The following ABTB2 variants were observed in gnomAD, a reference collection of about 807,000 sequenced individuals.
The protein encoded by ABTB2 is ankyrin repeat and BTB domain containing 2.
ABTB2 carries 56 observed loss-of-function variants against 104.1 expected under a neutral mutation model. That is an observed-to-expected ratio of 0.54 (90% CI 0.43 to 0.67). The LOEUF (loss-of-function observed/expected upper bound fraction) is 0.67. Ranked by LOEUF, ABTB2 falls within the 30% of genes least tolerant of loss-of-function variation. The pLI is 0.00. For missense variants in ABTB2, 1,279 were observed against 1,407.7 expected, an observed-to-expected ratio of 0.91 and a Z score of 1.46; for synonymous variants, 606 against 608.2, an observed-to-expected ratio of 1.00 and a Z score of 0.05.
chr11:34,236,239 C>G (rs989593636), intron 1 of ABTB2, among the ~76,000 whole-genome samples: 15 of 152,196 alleles, frequency 9.9e-5, no homozygotes, highest in Non-Finnish European at 1.8e-4. Context: ...TCATTTGGAA[C>G]AGTCACTTCA....
chr11:34,229,700 T>C (rs1473365983), intron 1 of ABTB2, among the ~76,000 whole-genome samples: 1 of 152,116 alleles, frequency 6.6e-6, no homozygotes, highest in East Asian at 1.9e-4. Context: ...TAAGAATAAT[T>C]AATGCATGTT....
chr11:34,177,932 A>G (rs1194641992), intron 3 of ABTB2, among the ~76,000 whole-genome samples: 3 of 152,094 alleles, frequency 2.0e-5, no homozygotes, highest in Non-Finnish European at 4.4e-5. Context: ...TCAAACTCAC[A>G]GTTCCAGGCG....
intron 3 of ABTB2, 80 bp downstream of exon 3, chr11:34,197,245 G>C: frequency 6.8e-7 from 1 of 1,474,864 alleles, no homozygotes; most frequent in Non-Finnish European, 9.5e-7. Flanking sequence ...TTGGTCAGTC[G>C]TCAGTCAGTG....
chr11:34,200,724 G>A (rs1853325644), intron 2 of ABTB2, among the ~76,000 whole-genome samples: 1 of 152,146 alleles, frequency 6.6e-6, no homozygotes, highest in Admixed American at 6.5e-5. Context: ...TACAGACAAG[G>A]AAGCAAGCTT....
At chr11:34,325,405 C>T (rs2133113416) in intron 1 of ABTB2, among the ~76,000 whole-genome samples, 1 of 152,292 alleles carries the variant, frequency 6.6e-6, no homozygotes, top group Admixed American at 6.5e-5. Flanking sequence ...CAAAGTTCTG[C>T]TATCTGCTGC....
At position 34,258,834 on chromosome 11, in the gene ABTB2, C is replaced by T. The variant is rs548279247; in HGVS notation, c.884-54144G>A. Reference sequence around the variant, plus strand: ...CAGGCTGGTCTCAAACTCCTGACCTCAGGTGATCTACCTGCCTCGGCCTCC... The same window carrying T: ...CAGGCTGGTCTCAAACTCCTGACCTTAGGTGATCTACCTGCCTCGGCCTCC... On this transcript the variant is annotated intron_variant, in intron 1 of 16. Coordinates refer to ENST00000435224, the MANE Select transcript of ABTB2 (RefSeq NM_145804.3). Among the ~76,000 whole-genome samples the T allele has an allele frequency of 9.9e-4, 150 of 152,038 alleles. 1 individual carries two copies. Among genetic ancestry groups the T allele is most frequent in the African/African-American group, 3.5e-3 (146 of 41,480 alleles).
intron 1 of ABTB2, among the ~76,000 whole-genome samples, chr11:34,217,945 G>A (rs1227354075): frequency 2.6e-5 from 4 of 152,178 alleles, no homozygotes; most frequent in African/African-American, 7.2e-5. Context: ...CCAGCATTTG[G>A]TGGTATCAGT....
intron 1 of ABTB2, among the ~76,000 whole-genome samples, chr11:34,312,010 G>A (rs755961912): frequency 8.5e-5 from 13 of 152,104 alleles, no homozygotes; most frequent in Admixed American, 2.0e-4. Flanking sequence ...TCATGGTGGC[G>A]CACGCCTGTA....
At chr11:34,248,990 C>T (rs1049729282) in intron 1 of ABTB2, among the ~76,000 whole-genome samples, 3 of 152,120 alleles carry the variant, frequency 2.0e-5, no homozygotes, top group Admixed American at 6.5e-5. Context: ...ATTAGCCGGG[C>T]GTGGTGGCAC....
chr11:34,249,650 T>G (rs1305329417), intron 1 of ABTB2, among the ~76,000 whole-genome samples: 2 of 152,128 alleles, frequency 1.3e-5, no homozygotes, highest in Non-Finnish European at 2.9e-5. Context: ...ATATATGAAA[T>G]GTCTTTTCTT....
At chr11:34,324,311 G>C (rs1481780460) in intron 1 of ABTB2, among the ~76,000 whole-genome samples, 2 of 152,178 alleles carry the variant, frequency 1.3e-5, no homozygotes, top group Admixed American at 6.5e-5. Flanking sequence ...CCTCACACTA[G>C]TGGTAAATAT....
intron 1 of ABTB2, among the ~76,000 whole-genome samples, chr11:34,291,637 A>C (rs1854566274): frequency 6.6e-6 from 1 of 152,088 alleles, no homozygotes; most frequent in Admixed American, 6.5e-5. Flanking sequence ...CTTGGATTAC[A>C]GGCGTCTGCC....
intron 1 of ABTB2, among the ~76,000 whole-genome samples, chr11:34,227,545 G>A (rs1342397598): frequency 1.3e-5 from 2 of 152,128 alleles, no homozygotes; most frequent in African/African-American, 2.4e-5. Context: ...ATATTCCATT[G>A]CATGGATATA....
intron 10 of ABTB2, 100 bp from the exon 11 acceptor site, chr11:34,161,181 G>T (rs1021980702): frequency 9.4e-6 from 12 of 1,275,052 alleles, no homozygotes; most frequent in Admixed American, 5.5e-5. Flanking sequence ...GGATGCCCCC[G>T]CTGTCTGCAG....
chr11:34,256,866 C>T (rs1254695415), intron 1 of ABTB2, among the ~76,000 whole-genome samples: 1 of 152,142 alleles, frequency 6.6e-6, no homozygotes, highest in Non-Finnish European at 1.5e-5. Context: ...GCAAATTCTC[C>T]GTTTTGTGGA....
At chr11:34,244,254 A>C (rs1284941491) in intron 1 of ABTB2, among the ~76,000 whole-genome samples, 1 of 152,180 alleles carries the variant, frequency 6.6e-6, no homozygotes, top group African/African-American at 2.4e-5. Flanking sequence ...AACCACTCTA[A>C]AACACTTAGG....
intron 1 of ABTB2, among the ~76,000 whole-genome samples, chr11:34,306,236 ATTTTTTTTTTTTT>A (rs34872949): frequency 7.4e-4 from 53 of 71,970 alleles, no homozygotes; most frequent in African/African-American, 2.6e-3. Context: ...GGAAAGTTTG[ATTTTTTTTTTTTT>A]TTTTTTTTTT....
intron 1 of ABTB2, among the ~76,000 whole-genome samples, chr11:34,279,787 C>CTTTTTT (rs397849748): frequency 2.3e-5 from 3 of 129,542 alleles, no homozygotes; most frequent in African/African-American, 2.9e-5. Context: ...CTTTCTTCTT[C>CTTTTTT]TTTTTTTTTT....
Position 34,357,572 on chromosome 11 carries a change from C to T in ABTB2, c.12G>A (p.Thr4=). MAG[T]YSSTLKTLED... is the part of the protein sequence containing the mutation. ...CCAGCGTCTTCAGAGTCGAGCTGTA[C>T]GTCCCGGCCATGGGGAGCCTGCCGA... Residue 4 remains threonine, a synonymous_variant, in exon 1 of 17, where the codon ACG becomes ACA. Transcript: ENST00000435224. 7.2e-6 allele frequency: 11 copies of T among 1,517,266 alleles called. No homozygotes were observed. Among genetic ancestry groups the T allele is most frequent in the Non-Finnish European group, 9.7e-6 (11 of 1,132,808 alleles). The allele number at this position is 1,517,266 out of a possible 1,614,324, so 94.0% of individuals were successfully genotyped here.
Sources: allele counts gnomAD v4.1 joint callset (sites outside exome capture counted in the v4.1 genomes callset), GRCh38; gene constraint gnomAD v4.1.1; transcripts MANE v1.5; gene names NCBI Gene and HGNC (gene_info 2026-07-23, HGNC 2026-07-21).